Variants in PKHD1 observed in about 807,000 individuals in gnomAD.
PKHD1 encodes PKHD1 ciliary IPT domain containing fibrocystin/polyductin.
In PKHD1, 291 loss-of-function variants were observed where a neutral mutation model predicts 412.0. The observed-to-expected ratio is 0.71, with a 90% CI of 0.64 to 0.78. PKHD1 has a LOEUF of 0.78. Among genes scored for constraint, PKHD1 ranks in the 30% least tolerant of loss-of-function variants. The pLI is 0.00. For missense variants in PKHD1, 4,825 were observed against 4,950.7 expected, an observed-to-expected ratio of 0.97 and a Z score of 0.76; for synonymous variants, 1,777 against 1,821.5, an observed-to-expected ratio of 0.98 and a Z score of 0.62.
chr6:51,807,916 A>G (rs553104710), intron 52 of PKHD1, among the ~76,000 whole-genome samples: 1 of 151,720 alleles, frequency 6.6e-6, no homozygotes, highest in East Asian at 1.9e-4. Context: ...GCTGGGGGAG[A>G]TTGCGGACTA....
At position 51,627,133 on chromosome 6, in the gene PKHD1, GA is replaced by G; in HGVS notation, c.11666-18del. 1 of 1,605,272 alleles carries G rather than the reference GA, an allele frequency of 6.2e-7. No homozygotes were observed. Among genetic ancestry groups the G allele is most frequent in the Non-Finnish European group, 8.5e-7 (1 of 1,175,248 alleles). ...GTTTTGTTTCTGTATTAATGGAGAA[GA>G]AAAAGGATTTTTTTGTTCAGTTGTA... On this transcript the variant is annotated intron_variant, in intron 65 of 66. Coordinates refer to ENST00000371117, the MANE Select transcript of PKHD1 (RefSeq NM_138694.4).
intron 57 of PKHD1, among the ~76,000 whole-genome samples, chr6:51,751,738 A>G (rs1176938888): frequency 1.3e-5 from 2 of 152,330 alleles, no homozygotes; most frequent in African/African-American, 4.8e-5. Context: ...CCTATTTTTC[A>G]CCTCAAGGAG....
intron 36 of PKHD1, among the ~76,000 whole-genome samples, chr6:51,951,282 G>T (rs1413675938): frequency 6.6e-6 from 1 of 151,682 alleles, no homozygotes; most frequent in African/African-American, 2.4e-5. Context: ...TTTCTAAAAA[G>T]TCACTTAAAA....
At chr6:52,038,090 G>C (rs1228415795) in intron 27 of PKHD1, among the ~76,000 whole-genome samples, 1 of 152,080 alleles carries the variant, frequency 6.6e-6, no homozygotes, top group Non-Finnish European at 1.5e-5. Context: ...TTTATAAAAA[G>C]GGGAATTTGG....
intron 44 of PKHD1, among the ~76,000 whole-genome samples, chr6:51,886,649 G>T (rs1778263915): frequency 5.3e-5 from 8 of 152,110 alleles, no homozygotes; most frequent in Admixed American, 5.2e-4. Flanking sequence ...GGAAGGAGGG[G>T]AAAATGGGAA....
intron 37 of PKHD1, among the ~76,000 whole-genome samples, chr6:51,928,759 G>A (rs1226070772): frequency 1.3e-5 from 2 of 152,114 alleles, no homozygotes; most frequent in South Asian, 2.1e-4. Flanking sequence ...ATAAGGAGTA[G>A]GAGAGAGTGA....
chr6:51,980,225 G>A (rs1388044514), intron 35 of PKHD1, among the ~76,000 whole-genome samples: 1 of 152,114 alleles, frequency 6.6e-6, no homozygotes, highest in Non-Finnish European at 1.5e-5. Context: ...TAATTTCTTT[G>A]CACTCTGTTA....
At chr6:51,854,475 G>A (rs1034697428) in intron 49 of PKHD1, among the ~76,000 whole-genome samples, 1 of 151,928 alleles carries the variant, frequency 6.6e-6, no homozygotes, top group Non-Finnish European at 1.5e-5. Flanking sequence ...TGTTTCACTG[G>A]GGGGAAACCC....
chr6:51,822,936 C>A (rs776988511), intron 52 of PKHD1, among the ~76,000 whole-genome samples: 1 of 152,084 alleles, frequency 6.6e-6, no homozygotes, highest in Non-Finnish European at 1.5e-5. Context: ...GCCATCATTG[C>A]ATTTACTGCT....
intron 53 of PKHD1, among the ~76,000 whole-genome samples, chr6:51,781,649 A>G (rs1792029920): frequency 6.6e-6 from 1 of 152,064 alleles, no homozygotes; most frequent in South Asian, 2.1e-4. Flanking sequence ...AGTATATGGC[A>G]CAGTGTCTGT....
At chr6:51,976,944 TAAAA>T (rs10671492) in intron 35 of PKHD1, among the ~76,000 whole-genome samples, 1 of 93,546 alleles carries the variant, frequency 1.1e-5, no homozygotes, top group African/African-American at 4.6e-5. Context: ...TGAGACTCCA[TAAAA>T]AAAAAAAAAA....
chr6:51,948,611 C>CT (rs752939855), intron 36 of PKHD1, among the ~76,000 whole-genome samples: 5 of 152,204 alleles, frequency 3.3e-5, no homozygotes, highest in Non-Finnish European at 7.3e-5. Flanking sequence ...GCCATAGTCC[C>CT]TGTGCCTGGA....
In PKHD1 at chr6:51,847,889, G is replaced by A; in HGVS notation, c.7993C>T (p.Leu2665Phe). ...CCCACTCGACTCCCACATCTTAGGA[G>A]GATGTCAGGGTAAGGCGGCAAATCT... ...HTDLPPYPDI[L>F]LRCGSRVGLS... The change falls in exon 50 of 67, where the codon CTC becomes TTC. Residue 2665 changes from leucine (L) to phenylalanine (F), a missense_variant. Leu to Phe is a conservative substitution (Grantham distance 22). Coordinates refer to ENST00000371117, the MANE Select transcript of PKHD1 (RefSeq NM_138694.4). 1 of 1,613,212 alleles carries A rather than the reference G, an allele frequency of 6.2e-7. No individual in the cohort carries two copies. The highest frequency in any genetic ancestry group is 2.2e-5 in the East Asian group (1 of 44,878).
chr6:51,790,290 C>T (rs1479307931), intron 53 of PKHD1, among the ~76,000 whole-genome samples: 1 of 152,140 alleles, frequency 6.6e-6, no homozygotes, highest in African/African-American at 2.4e-5. Context: ...CATGTCTTTT[C>T]AGCATTTATA....
rs1809302839 is a variant in PKHD1 at position 52,064,971 on chromosome 6, G to A, written c.960C>T (p.Leu320=). 1.9e-6 allele frequency: 3 copies of A among 1,599,226 alleles called. No individual in the cohort carries two copies. Among genetic ancestry groups the A allele is most frequent in the Middle Eastern group, 1.7e-4 (1 of 6,016 alleles). ...TTRAPGKDVR[L]TTPQPGNRGL... ...CTTCCTTACCTGGCTGAGGGGTGGT[G>A]AGCCTCACATCTTTTCCTGGAGCCC... Residue 320 remains leucine (L), a synonymous_variant, in exon 13 of 67, where the codon CTC becomes CTT. Coordinates refer to ENST00000371117, the MANE Select transcript of PKHD1 (RefSeq NM_138694.4).
At chr6:51,686,423 T>C (rs985604208) in intron 60 of PKHD1, among the ~76,000 whole-genome samples, 8 of 152,172 alleles carry the variant, frequency 5.3e-5, no homozygotes, top group African/African-American at 1.9e-4. Flanking sequence ...TTGGGGACTC[T>C]GCCAAGGCAG....
intron 27 of PKHD1, among the ~76,000 whole-genome samples, chr6:52,038,311 G>A (rs937571088): frequency 6.6e-6 from 1 of 151,656 alleles, no homozygotes; most frequent in South Asian, 2.1e-4. Context: ...GCAGGCAAAG[G>A]TTGCAGTGAG....
chr6:51,637,715 C>A (rs925253991), intron 64 of PKHD1, among the ~76,000 whole-genome samples: 2 of 151,950 alleles, frequency 1.3e-5, no homozygotes, highest in African/African-American at 4.8e-5. Flanking sequence ...ACCAGCCTGG[C>A]CAACATGGTG....
At chr6:52,041,287 A>C (rs1581901183) in intron 27 of PKHD1, among the ~76,000 whole-genome samples, 1 of 152,202 alleles carries the variant, frequency 6.6e-6, no homozygotes, top group Non-Finnish European at 1.5e-5. Context: ...CATTTCTCAA[A>C]CTGTACTCTT....
Sources: allele counts gnomAD v4.1 joint callset (sites outside exome capture counted in the v4.1 genomes callset), GRCh38; gene constraint gnomAD v4.1.1; transcripts MANE v1.5; gene names NCBI Gene and HGNC (gene_info 2026-07-23, HGNC 2026-07-21).